MCTP1: variants seen among roughly 807,000 people sequenced by gnomAD.
MCTP1 encodes multiple C2 and transmembrane domain-containing protein 1.
Under a neutral mutation model 120.6 loss-of-function variants are expected in MCTP1, and 69 were observed. That is an observed-to-expected ratio of 0.57 (90% CI 0.47 to 0.70). The LOEUF is 0.70. MCTP1 is among the 30% of genes least tolerant of loss of function. The probability of loss-of-function intolerance (pLI) is 0.00; values close to 1 mark genes in which losing one functional copy is unlikely to be tolerated. For missense variants in MCTP1, 1,203 were observed against 1,248.8 expected (o/e 0.96, Z 0.55); for synonymous variants, 529 against 493.1 (o/e 1.07, Z -0.96).
intron 10 of MCTP1, among the ~76,000 whole-genome samples, chr5:94,908,858 G>T (rs1807667251): frequency 6.6e-6 from 1 of 151,920 alleles, no homozygotes; most frequent in Non-Finnish European, 1.5e-5. Context: ...TACCTTGTAG[G>T]GCGTTGTAGA....
At chr5:94,909,911 CT>C (rs1268167786) in intron 9 of MCTP1, among the ~76,000 whole-genome samples, 1 of 151,962 alleles carries the variant, frequency 6.6e-6, no homozygotes, top group Admixed American at 6.6e-5. Flanking sequence ...GTCAGGCAAA[CT>C]TTTATCTTAG....
intron 1 of MCTP1, among the ~76,000 whole-genome samples, chr5:95,174,384 T>C (rs1398073661): frequency 6.6e-6 from 1 of 151,926 alleles, no homozygotes; most frequent in Non-Finnish European, 1.5e-5. Context: ...AACCAAAAAC[T>C]AGCCATATGC....
At chr5:94,983,728 T>G (rs886114282) in intron 2 of MCTP1, among the ~76,000 whole-genome samples, 5 of 152,074 alleles carry the variant, frequency 3.3e-5, no homozygotes, top group Non-Finnish European at 5.9e-5. Flanking sequence ...ATTCATTTCT[T>G]TTTTGCAAAA....
intron 21 of MCTP1, chr5:94,710,107 T>TTA (rs891100598): frequency 6.6e-6 from 1 of 152,062 alleles, no homozygotes; most frequent in Non-Finnish European, 1.5e-5. Context: ...ATTATTAATG[T>TTA]TATAGTAGAT....
intron 1 of MCTP1, among the ~76,000 whole-genome samples, chr5:95,271,258 G>A (rs1378795357): frequency 6.6e-6 from 1 of 152,162 alleles, no homozygotes; most frequent in Non-Finnish European, 1.5e-5. Flanking sequence ...GCCACTGCGA[G>A]ACATTAGCAT....
chr5:95,087,058 G>A (rs771508934), intron 1 of MCTP1, among the ~76,000 whole-genome samples: 37 of 152,162 alleles, frequency 2.4e-4, no homozygotes, highest in Non-Finnish European at 4.7e-4. Context: ...CCAGGAGGAC[G>A]AAAGGGCTCC....
chr5:94,880,369 A>G (rs993673165), intron 12 of MCTP1, among the ~76,000 whole-genome samples: 2 of 152,144 alleles, frequency 1.3e-5, no homozygotes, highest in African/African-American at 2.4e-5. Flanking sequence ...AAGCTTTCCT[A>G]TAAGTAAACT....
At chr5:95,035,814 C>T (rs1219254556) in intron 1 of MCTP1, among the ~76,000 whole-genome samples, 1 of 151,928 alleles carries the variant, frequency 6.6e-6, no homozygotes, top group African/African-American at 2.4e-5. Flanking sequence ...GTAGGTTCTT[C>T]CTGCTTTTTT....
intron 2 of MCTP1, among the ~76,000 whole-genome samples, chr5:94,955,396 CTGGAATG>C (rs1822320385): frequency 1.3e-5 from 2 of 152,168 alleles, no homozygotes; most frequent in Admixed American, 6.5e-5. Flanking sequence ...CCAGTGGTAC[CTGGAATG>C]CCAGTGAAAC....
At chr5:95,233,072 T>G (rs539443593) in intron 1 of MCTP1, among the ~76,000 whole-genome samples, 2 of 152,308 alleles carry the variant, frequency 1.3e-5, no homozygotes, top group South Asian at 2.1e-4. Flanking sequence ...AGAAATCCAG[T>G]AAAAGTATAG....
intron 17 of MCTP1, among the ~76,000 whole-genome samples, chr5:94,806,595 C>G (rs923268771): frequency 1.3e-5 from 2 of 152,152 alleles, no homozygotes; most frequent in African/African-American, 4.8e-5. Context: ...ATTCAATGAT[C>G]ATTCAGTGCG....
At chr5:94,956,522 A>C (rs1302931735) in intron 2 of MCTP1, among the ~76,000 whole-genome samples, 1 of 152,156 alleles carries the variant, frequency 6.6e-6, no homozygotes, top group African/African-American at 2.4e-5. Flanking sequence ...AGCCTTTATA[A>C]AAGGTTAGAG....
intron 5 of MCTP1, among the ~76,000 whole-genome samples, chr5:94,933,163 G>A (rs116717618): frequency 0.016 from 2,450 of 151,576 alleles, 35 homozygotes; most frequent in Non-Finnish European, 0.023. Flanking sequence ...ATTTCCTAAG[G>A]TTACAATGAT....
chr5:94,821,512 T>G lies in MCTP1; in HGVS notation c.2437-22380A>C, dbSNP rs76194854. 5.0e-3 allele frequency among the ~76,000 whole-genome samples: 768 copies of G among 152,336 alleles called. 5 individuals carry two copies. Among genetic ancestry groups the G allele is most frequent in the African/African-American group, 0.018 (753 of 41,572 alleles). On this transcript the variant is annotated intron_variant, in intron 17 of 22. Coordinates refer to ENST00000515393, the MANE Select transcript of MCTP1 (RefSeq NM_024717.7). ...TCCTCCTGTTCTCTAACCATCAGTGTGATTCCTTTATTTAGACATGCAATT... is the reference window on the plus strand; with the variant it reads ...TCCTCCTGTTCTCTAACCATCAGTGGGATTCCTTTATTTAGACATGCAATT...
intron 1 of MCTP1, among the ~76,000 whole-genome samples, chr5:95,266,538 A>G (rs537905625): frequency 6.6e-6 from 1 of 152,374 alleles, no homozygotes; most frequent in East Asian, 1.9e-4. Context: ...TGACTCCAGT[A>G]AAATACTACA....
chr5:94,719,983 G>A (rs768306736), intron 19 of MCTP1, among the ~76,000 whole-genome samples: 1 of 151,882 alleles, frequency 6.6e-6, no homozygotes, highest in African/African-American at 2.4e-5. Flanking sequence ...AAAATTAGCC[G>A]GGCGTGGTGG....
chr5:95,141,690 A>G (rs1457149795), intron 1 of MCTP1, among the ~76,000 whole-genome samples: 1 of 151,362 alleles, frequency 6.6e-6, no homozygotes, highest in East Asian at 1.9e-4. Flanking sequence ...TCCCTACCCC[A>G]TCTTTCTCTC....
intron 2 of MCTP1, among the ~76,000 whole-genome samples, chr5:95,008,470 A>G (rs185656550): frequency 5.0e-4 from 76 of 152,272 alleles, no homozygotes; most frequent in Non-Finnish European, 9.7e-4. Flanking sequence ...CACAGGGGGC[A>G]GGGAAATACC....
At chr5:95,151,000 G>A (rs559811450) in intron 1 of MCTP1, among the ~76,000 whole-genome samples, 2 of 151,936 alleles carry the variant, frequency 1.3e-5, no homozygotes, top group Non-Finnish European at 2.9e-5. Flanking sequence ...ACAGAGTCTT[G>A]CTCTGTTGCC....
Sources: allele counts gnomAD v4.1 joint callset (sites outside exome capture counted in the v4.1 genomes callset), GRCh38; gene constraint gnomAD v4.1.1; transcripts MANE v1.5; gene names NCBI Gene and HGNC (gene_info 2026-07-23, HGNC 2026-07-21).